The following SLC35F4 variants were observed in gnomAD, a reference collection of about 807,000 sequenced individuals.
The protein encoded by SLC35F4 is solute carrier family 35 member F4.
Under a neutral mutation model 44.2 loss-of-function variants are expected in SLC35F4, and 24 were observed. The ratio of observed to expected loss-of-function variants is 0.54; its 90% confidence interval spans 0.39 to 0.76. SLC35F4 has a LOEUF of 0.76. SLC35F4 is among the 30% of genes least tolerant of loss of function. The probability of loss-of-function intolerance (pLI) is 0.00; values close to 1 mark genes in which losing one functional copy is unlikely to be tolerated. For missense variants in SLC35F4, 562 were observed against 586.1 expected (o/e 0.96, Z 0.42); for synonymous variants, 238 against 223.6 (o/e 1.06, Z -0.57).
At chr14:57,934,772 G>A (rs1889766992) in intron 1 of SLC35F4, among the ~76,000 whole-genome samples, 1 of 152,126 alleles carries the variant, frequency 6.6e-6, no homozygotes, top group Admixed American at 6.5e-5. Flanking sequence ...TATTTGTGAT[G>A]TTAACTGAGA....
At chr14:57,687,074 G>C (rs759397576) in intron 1 of SLC35F4, among the ~76,000 whole-genome samples, 2 of 152,180 alleles carry the variant, frequency 1.3e-5, no homozygotes, top group African/African-American at 4.8e-5. Context: ...TGAGAAGGTT[G>C]CCATCTACAA....
chr14:57,925,744 G>A (rs905791361), intron 1 of SLC35F4, among the ~76,000 whole-genome samples: 1 of 151,072 alleles, frequency 6.6e-6, no homozygotes, highest in African/African-American at 2.4e-5. Flanking sequence ...GAGTTGGCTT[G>A]TTATTATAAC....
chr14:57,852,646 G>T (rs2140989027), intron 1 of SLC35F4, among the ~76,000 whole-genome samples: 1 of 152,316 alleles, frequency 6.6e-6, no homozygotes, highest in East Asian at 1.9e-4. Context: ...GAATAATAAT[G>T]TCACTTTAGA....
At chr14:57,760,308 A>G (rs531817398) in intron 1 of SLC35F4, among the ~76,000 whole-genome samples, 1 of 152,286 alleles carries the variant, frequency 6.6e-6, no homozygotes, top group South Asian at 2.1e-4. Context: ...CATGTGTAAC[A>G]TGGCACCCTT....
At position 57,943,029 on chromosome 14, in the gene SLC35F4, C is replaced by A. The variant is rs116551172; in HGVS notation, n.282+38884G>T. On this transcript the variant is annotated intron_variant and non_coding_transcript_variant, in intron 1 of 1. Coordinates refer to the SLC35F4 transcript ENST00000556568. ...CCAGAACTCCAGCCTCTCATTCTTACACCAATGCTTCCAATCTCTTTGTTC... is the reference window on the plus strand; with the variant it reads ...CCAGAACTCCAGCCTCTCATTCTTAAACCAATGCTTCCAATCTCTTTGTTC... Among the ~76,000 whole-genome samples the A allele has an allele frequency of 3.9e-3, 601 of 152,306 alleles. 3 individuals carry two copies. The highest frequency in any genetic ancestry group is 0.014 in the African/African-American group (572 of 41,582).
intron 1 of SLC35F4, among the ~76,000 whole-genome samples, chr14:57,743,641 G>A (rs1033371374): frequency 6.6e-6 from 1 of 152,138 alleles, no homozygotes; most frequent in Non-Finnish European, 1.5e-5. Flanking sequence ...AATTCTACCA[G>A]AGGTACAAAG....
At chr14:57,896,681 T>A (rs1888877891) in intron 1 of SLC35F4, among the ~76,000 whole-genome samples, 1 of 152,060 alleles carries the variant, frequency 6.6e-6, no homozygotes, top group Non-Finnish European at 1.5e-5. Context: ...CAGGAGTAAA[T>A]AGATATTGAA....
At chr14:57,858,717 A>G (rs1249063462) in intron 1 of SLC35F4, among the ~76,000 whole-genome samples, 2 of 151,630 alleles carry the variant, frequency 1.3e-5, no homozygotes, top group Non-Finnish European at 2.9e-5. Context: ...TACTATAAAA[A>G]AAAGAAAGAA....
At chr14:57,884,342 G>C (rs1335519) in intron 1 of SLC35F4, among the ~76,000 whole-genome samples, 57,312 of 151,952 alleles carry the variant, frequency 0.38, 11,519 homozygotes, top group East Asian at 0.73. Context: ...AGTATATTTA[G>C]TTATACAATA....
intron 1 of SLC35F4, among the ~76,000 whole-genome samples, chr14:57,923,593 C>T (rs1889485746): frequency 6.6e-6 from 1 of 152,238 alleles, no homozygotes; most frequent in Non-Finnish European, 1.5e-5. Flanking sequence ...TAGCCAACCA[C>T]ACTACTTTCC....
chr14:57,793,887 G>C (rs1472247041), intron 1 of SLC35F4, among the ~76,000 whole-genome samples: 1 of 151,996 alleles, frequency 6.6e-6, no homozygotes, highest in Non-Finnish European at 1.5e-5. Flanking sequence ...GAACAGAATA[G>C]ATAACCCAGA....
chr14:57,869,972 G>A (rs1888260706), upstream of SLC35F4, among the ~76,000 whole-genome samples: 1 of 152,204 alleles, frequency 6.6e-6, no homozygotes, highest in Non-Finnish European at 1.5e-5. Flanking sequence ...TGAGAAGACA[G>A]GGCAGAGTCC....
chr14:57,629,892 ACAC>A, intron 1 of SLC35F4: 1 of 419,176 alleles, frequency 2.4e-6, no homozygotes, highest in South Asian at 1.8e-5. Flanking sequence ...GCTGAGACTC[ACAC>A]CACCACCATG....
At chr14:57,926,565 A>G (rs544474865) in intron 1 of SLC35F4, among the ~76,000 whole-genome samples, 16 of 152,186 alleles carry the variant, frequency 1.1e-4, no homozygotes, top group Admixed American at 9.8e-4. Flanking sequence ...TTGGGGGGGA[A>G]TTTATATGTA....
intron 1 of SLC35F4, among the ~76,000 whole-genome samples, chr14:57,882,196 G>A (rs1888550139): frequency 6.6e-6 from 1 of 152,126 alleles, no homozygotes; most frequent in African/African-American, 2.4e-5. Flanking sequence ...TCCCCCTGGA[G>A]AAACTACAGG....
At chr14:57,573,631 C>T (rs144448156) in intron 4 of SLC35F4, among the ~76,000 whole-genome samples, 1 of 152,184 alleles carries the variant, frequency 6.6e-6, no homozygotes, top group East Asian at 1.9e-4. Flanking sequence ...TTATCTAGAC[C>T]TGGAAATTCT....
intron 1 of SLC35F4, among the ~76,000 whole-genome samples, chr14:57,636,509 T>C (rs573641475): frequency 6.6e-6 from 1 of 152,166 alleles, no homozygotes; most frequent in Non-Finnish European, 1.5e-5. Context: ...ACTTAACAGG[T>C]GAGAAAAGCA....
At chr14:57,853,744 G>T (rs1440795892) in intron 1 of SLC35F4, among the ~76,000 whole-genome samples, 1 of 152,192 alleles carries the variant, frequency 6.6e-6, no homozygotes, top group East Asian at 1.9e-4. Context: ...AGACAAGAAT[G>T]GGGAGCATGT....
At chr14:57,708,622 C>T (rs1744453980) in intron 1 of SLC35F4, among the ~76,000 whole-genome samples, 1 of 152,146 alleles carries the variant, frequency 6.6e-6, no homozygotes, top group South Asian at 2.1e-4. Context: ...TACAGCCCCA[C>T]AGAGTCGGTA....
Sources: allele counts gnomAD v4.1 joint callset (sites outside exome capture counted in the v4.1 genomes callset), GRCh38; gene constraint gnomAD v4.1.1; transcripts MANE v1.5; gene names NCBI Gene and HGNC (gene_info 2026-07-23, HGNC 2026-07-21).